PCDH10: variants seen among roughly 807,000 people sequenced by gnomAD.
PCDH10 encodes protocadherin-10.
Under a neutral mutation model 74.4 loss-of-function variants are expected in PCDH10, and 15 were observed. The observed-to-expected ratio is 0.20, with a 90% CI of 0.13 to 0.31. The LOEUF (loss-of-function observed/expected upper bound fraction) is 0.31. Among genes scored for constraint, PCDH10 ranks in the 10% least tolerant of loss-of-function variants. PCDH10 has a pLI of 1.00. For missense variants in PCDH10, 1,260 were observed against 1,390.2 expected (o/e 0.91, Z 1.49); for synonymous variants, 619 against 589.8 (o/e 1.05, Z -0.72).
chr4:133,170,446 T>C (rs1033550629), intron 4 of PCDH10, among the ~76,000 whole-genome samples: 2 of 152,160 alleles, frequency 1.3e-5, no homozygotes, highest in African/African-American at 4.8e-5. Flanking sequence ...TTTTATATGC[T>C]CTGGTTTCGT....
chr4:133,159,082 CA>C (rs1726916609), intron 3 of PCDH10, among the ~76,000 whole-genome samples: 1 of 151,538 alleles, frequency 6.6e-6, no homozygotes, highest in South Asian at 2.1e-4. Flanking sequence ...CTAGAAATCT[CA>C]AAAAATGAAA....
At chr4:133,203,841 A>G (rs1351786412) in intron 2 of PCDH10, among the ~76,000 whole-genome samples, 1 of 152,162 alleles carries the variant, frequency 6.6e-6, no homozygotes, top group Non-Finnish European at 1.5e-5. Flanking sequence ...TTCCCCAGGG[A>G]ATGCCACTCA....
chr4:133,152,439 G>T lies in PCDH10; in HGVS notation c.2299G>T (p.Gly767Cys), dbSNP rs1025792156. The T allele has an allele frequency of 6.2e-7, 1 of 1,614,172 alleles. No individual in the cohort carries two copies. Among genetic ancestry groups the T allele is most frequent in the Admixed American group, 1.7e-5 (1 of 60,030 alleles). ...CLCCCCCGGG[G>C]STCCGRQARA... is the part of the protein sequence containing the mutation. ...CTGCTGCTGCTGCTGCGGTGGCGGAGGTTCGACCTGCTGTGGCCGCCAAGC... is the reference window on the plus strand; with the variant it reads ...CTGCTGCTGCTGCTGCGGTGGCGGATGTTCGACCTGCTGTGGCCGCCAAGC... Residue 767 changes from glycine (G) to cysteine (C), a missense_variant, in exon 1 of 5, where the codon GGT becomes TGT. Physicochemically the swap from Gly to Cys is radical, Grantham distance 159. Coordinates refer to ENST00000264360, the MANE Select transcript of PCDH10 (RefSeq NM_032961.3).
intron 2 of PCDH10, among the ~76,000 whole-genome samples, chr4:133,202,201 G>T (rs1289988021): frequency 6.6e-6 from 1 of 152,024 alleles, no homozygotes; most frequent in Non-Finnish European, 1.5e-5. Context: ...CCTTTTTATG[G>T]CCAATAAAGA....
At chr4:133,180,841 A>C (rs906083523) in intron 4 of PCDH10, among the ~76,000 whole-genome samples, 3 of 151,862 alleles carry the variant, frequency 2.0e-5, no homozygotes, top group African/African-American at 7.2e-5. Flanking sequence ...AAATCTTGGC[A>C]TCTAATTAGA....
chr4:133,203,215 A>G (rs1311310854), intron 2 of PCDH10, among the ~76,000 whole-genome samples: 1 of 152,148 alleles, frequency 6.6e-6, no homozygotes, highest in Non-Finnish European at 1.5e-5. Context: ...GTATAGAGAT[A>G]GTATAGACAT....
intron 3 of PCDH10, among the ~76,000 whole-genome samples, chr4:133,156,389 C>T (rs1046297631): frequency 6.6e-6 from 1 of 152,206 alleles, no homozygotes; most frequent in Non-Finnish European, 1.5e-5. Flanking sequence ...GCCAAGAATC[C>T]CCGGAGGTCT....
chr4:133,200,587 C>A (rs1727885193), intron 2 of PCDH10, among the ~76,000 whole-genome samples: 1 of 152,088 alleles, frequency 6.6e-6, no homozygotes, highest in African/African-American at 2.4e-5. Flanking sequence ...CCTTTACTAG[C>A]AATTAATCTT....
chr4:133,177,694 A>G (rs746924222), intron 4 of PCDH10, among the ~76,000 whole-genome samples: 4 of 152,300 alleles, frequency 2.6e-5, no homozygotes, highest in Admixed American at 6.5e-5. Context: ...GAAATTAAAT[A>G]TTAAACAAAT....
At chr4:133,198,726 G>A (rs538593698), downstream of PCDH10, among the ~76,000 whole-genome samples, 5 of 152,244 alleles carry the variant, frequency 3.3e-5, no homozygotes, top group South Asian at 8.3e-4. Flanking sequence ...TTTTTATCAA[G>A]CTATATGATA....
At chr4:133,155,598 A>G (rs1726850059) in intron 3 of PCDH10, among the ~76,000 whole-genome samples, 1 of 152,232 alleles carries the variant, frequency 6.6e-6, no homozygotes, top group African/African-American at 2.4e-5. Flanking sequence ...AACGTTAGGT[A>G]ATATGTGATA....
At chr4:133,166,993 GC>G (rs1333683999) in intron 4 of PCDH10, among the ~76,000 whole-genome samples, 3 of 151,132 alleles carry the variant, frequency 2.0e-5, no homozygotes, top group Admixed American at 6.6e-5. Flanking sequence ...TATTTTCATG[GC>G]CCATCTTGCC....
At chr4:133,204,178 G>A (rs981742662) in intron 2 of PCDH10, among the ~76,000 whole-genome samples, 1 of 152,216 alleles carries the variant, frequency 6.6e-6, no homozygotes, top group Non-Finnish European at 1.5e-5. Context: ...AAATGGGCAA[G>A]GTGGCTACCC....
intron 3 of PCDH10, among the ~76,000 whole-genome samples, chr4:133,156,369 C>T (rs1726864001): frequency 6.6e-6 from 1 of 152,222 alleles, no homozygotes. Context: ...CCTAATGAGA[C>T]TTGAGAACTG....
Position 133,154,352 on chromosome 4 carries a change from C to T in PCDH10, c.2677C>T (p.Arg893Cys), listed in dbSNP as rs374613437. The stretch of plus-strand genomic sequence containing the variant: ...GCTCAGCTATCTAGTTGACAGACCT[C>T]GCCGAGTTAACAGGTATGGACTCTT... ...AELSYLVDRP[R>C]RVNSSAFQEA... The change falls in exon 2 of 5, where the codon CGC becomes TGC. Residue 893 changes from arginine to cysteine, a missense_variant. This residue lies in a region of PCDH10 where 587 missense variants were observed against 616.9 expected (regional missense o/e 0.95). Transcript: ENST00000264360. 1 of 1,604,224 alleles carries T rather than the reference C, an allele frequency of 6.2e-7. No individual in the cohort carries two copies. Among genetic ancestry groups the T allele is most frequent in the Non-Finnish European group, 8.5e-7 (1 of 1,175,160 alleles).
At chr4:133,182,278 A>G (rs1316143266) in intron 4 of PCDH10, among the ~76,000 whole-genome samples, 3 of 152,066 alleles carry the variant, frequency 2.0e-5, no homozygotes, top group Non-Finnish European at 2.9e-5. Flanking sequence ...GTGCTAATAT[A>G]GTCTTCTTAT....
At position 133,149,851 on chromosome 4, in the gene PCDH10, CTATTG is replaced by C. The variant is rs1394147718; in HGVS notation, c.-285_-281del. 1.1e-5 allele frequency: 3 copies of C among 270,942 alleles called. No homozygotes were observed. The highest frequency in any genetic ancestry group is 6.9e-6 in the Non-Finnish European group (1 of 145,312). 16.8% of individuals were successfully genotyped at this position (270,942 alleles called of 1,614,324 possible). A position where few individuals can be genotyped will look rare whatever the true frequency, so the allele number is the denominator to read the frequency against. ...AGACTGTCGGAATAAAGGACGCTGA[CTATTG>C]TATTATTGTTATTTTATTAATTAGT... On this transcript the variant is annotated 5_prime_UTR_variant, in exon 1 of 5. Transcript: ENST00000264360.
Position 133,193,089 on chromosome 4 carries a change from T to A in PCDH10, c.*2929T>A, listed in dbSNP as rs1306469822. On this transcript the variant is annotated 3_prime_UTR_variant, in exon 5 of 5. Coordinates refer to ENST00000264360, the MANE Select transcript of PCDH10 (RefSeq NM_032961.3). The stretch of plus-strand genomic sequence containing the variant: ...TTAGAGCAGTCAAAGTCAAAAAAAA[T>A]TTCCTGTGGAAACAGTGTCTTAATG... 1.3e-5 allele frequency: 2 copies of A among 151,624 alleles called. No homozygotes were observed. Among genetic ancestry groups the A allele is most frequent in the Non-Finnish European group, 3.0e-5 (2 of 67,632 alleles). The allele number at this position is 151,624 out of a possible 1,614,324, so 9.4% of individuals were successfully genotyped here. A position where few individuals can be genotyped will look rare whatever the true frequency, so the allele number is the denominator to read the frequency against.
chr4:133,172,550 G>A (rs1727223252), intron 4 of PCDH10, among the ~76,000 whole-genome samples: 1 of 151,932 alleles, frequency 6.6e-6, no homozygotes, highest in Non-Finnish European at 1.5e-5. Flanking sequence ...TATTTGTCCA[G>A]TAGCCAAAAT....
Sources: gnomAD v4.1 joint callset for allele counts (sites outside exome capture counted in the v4.1 genomes callset) on GRCh38, gnomAD v4.1.1 for gene constraint, gnomAD v4.1.1 regional missense constraint, MANE v1.5 for transcripts, NCBI Gene and HGNC (gene_info 2026-07-23, HGNC 2026-07-21) for gene names.